F13B: variants seen among roughly 807,000 people sequenced by gnomAD.
F13B encodes the protein coagulation factor XIII B chain.
A neutral mutation model predicts 79.8 loss-of-function variants in F13B; 58 were observed. That is an observed-to-expected ratio of 0.73 (90% CI 0.59 to 0.90). The LOEUF (loss-of-function observed/expected upper bound fraction) is 0.90, where lower values mean the gene tolerates loss of function less well. Among genes scored for constraint, F13B ranks in the 40% least tolerant of loss-of-function variants. The pLI, the probability that F13B is intolerant of heterozygous loss-of-function variation, is 0.00. For synonymous variants in F13B, 283 were observed against 260.3 expected, an observed-to-expected ratio of 1.09 and a Z score of -0.84; for missense variants, 773 against 777.0, an observed-to-expected ratio of 0.99 and a Z score of 0.06.
Position 197,038,810 on chromosome 1 carries a change from T to C in F13B, c.*568A>G, listed in dbSNP as rs1462038513. ...TTGAGCACATGTTCAAATATGGTAG[T>C]ACACCACCTCATAAACAATTTGGTT... is the stretch of plus-strand genomic sequence containing the variant. On this transcript the variant is annotated 3_prime_UTR_variant, in exon 12 of 12. Transcript: ENST00000367412. Among the ~76,000 whole-genome samples, 6 of 152,128 alleles carry C rather than the reference T, an allele frequency of 3.9e-5. 1 individual carries two copies. The highest frequency in any genetic ancestry group is 3.9e-4 in the Admixed American group (6 of 15,266).
chr1:197,066,892 C>A (rs894331975), intron 1 of F13B, among the ~76,000 whole-genome samples: 1 of 152,028 alleles, frequency 6.6e-6, no homozygotes, highest in African/African-American at 2.4e-5. Flanking sequence ...AAAACCTTTT[C>A]GAAGTATTTA....
intron 10 of F13B, among the ~76,000 whole-genome samples, chr1:197,047,225 C>T (rs560867251): frequency 6.6e-6 from 1 of 152,140 alleles, no homozygotes; most frequent in African/African-American, 2.4e-5. Context: ...GAACAGGCAA[C>T]CTACAGAATG....
chr1:197,053,317 T>G (rs1655518903), intron 8 of F13B, among the ~76,000 whole-genome samples: 1 of 152,266 alleles, frequency 6.6e-6, no homozygotes, highest in South Asian at 2.1e-4. Flanking sequence ...CATCTTGAAT[T>G]GTAGCTCCCA....
chr1:197,039,340 A>G lies in F13B; in HGVS notation c.*38T>C. 7 of 1,521,652 alleles carry G rather than the reference A, an allele frequency of 4.6e-6. No individual in the cohort carries two copies. Among genetic ancestry groups the G allele is most frequent in the Non-Finnish European group, 6.4e-6 (7 of 1,099,658 alleles). 94.3% of individuals were successfully genotyped at this position (1,521,652 alleles called of 1,614,324 possible). ...ATTATATTTTATAAGGAATTTCATG[A>G]TGTATTGAAATATGACTCCTCTTTC... On this transcript the variant is annotated 3_prime_UTR_variant, in exon 12 of 12. Coordinates refer to ENST00000367412, the MANE Select transcript of F13B (RefSeq NM_001994.3).
chr1:197,044,686 C>A (rs1463281210), intron 10 of F13B, among the ~76,000 whole-genome samples: 2 of 152,112 alleles, frequency 1.3e-5, no homozygotes, highest in African/African-American at 4.8e-5. Flanking sequence ...ACTCTCCACT[C>A]CAAATCAAAA....
chr1:197,060,503 T>C lies in F13B; in HGVS notation c.668A>G (p.Tyr223Cys), dbSNP rs761906251. Reference sequence around the variant, plus strand: ...ATAGGTTTGCTTTACAGGATGAAAATAACCATTTTCAATTAATCTTAAAGA... The same window carrying C: ...ATAGGTTTGCTTTACAGGATGAAAACAACCATTTTCAATTAATCTTAAAGA... The part of the protein sequence containing the change: ...CSSLRLIENG[Y>C]FHPVKQTYEE... Residue 223 changes from tyrosine (Y) to cysteine (C), a missense_variant, in exon 5 of 12, where the codon TAT becomes TGT. Tyr to Cys is a radical substitution (Grantham distance 194, BLOSUM62 -2). Coordinates refer to ENST00000367412, the MANE Select transcript of F13B (RefSeq NM_001994.3). 2 of 1,601,986 alleles carry C rather than the reference T, an allele frequency of 1.2e-6. No homozygotes were observed. The highest frequency in any genetic ancestry group is 1.7e-5 in the Admixed American group (1 of 58,340).
intron 1 of F13B, among the ~76,000 whole-genome samples, chr1:197,064,092 T>A (rs1026242306): frequency 6.6e-6 from 1 of 152,052 alleles, no homozygotes; most frequent in East Asian, 1.9e-4. Flanking sequence ...AAATGAAAAT[T>A]TAAACCACCA....
intron 1 of F13B, among the ~76,000 whole-genome samples, chr1:197,066,706 G>A (rs1656062718): frequency 6.6e-6 from 1 of 152,056 alleles, no homozygotes; most frequent in South Asian, 2.1e-4. Flanking sequence ...AAAAATCAAA[G>A]TCTCAAAAGT....
intron 10 of F13B, among the ~76,000 whole-genome samples, chr1:197,045,052 T>C (rs1033406030): frequency 2.0e-5 from 3 of 151,954 alleles, no homozygotes; most frequent in South Asian, 2.1e-4. Flanking sequence ...CACAAGAGAA[T>C]GCAGGAAAGA....
Position 197,039,016 on chromosome 1 carries a change from CTTAATA to C in F13B, c.*356_*361del, listed in dbSNP as rs1298735828. On this transcript the variant is annotated 3_prime_UTR_variant, in exon 12 of 12. Transcript: ENST00000367412. Reference sequence around the variant, plus strand: ...ACTTTGAATTAAGGGTAACAAAAGCCTTAATATTAATAAAGATGATGACGAATGTGA... The same window carrying C: ...ACTTTGAATTAAGGGTAACAAAAGCCTTAATAAAGATGATGACGAATGTGA... Among the ~76,000 whole-genome samples, 5 of 152,030 alleles carry C rather than the reference CTTAATA, an allele frequency of 3.3e-5. No individual in the cohort carries two copies. The South Asian group carries it at 6.2e-4, about 19-fold the overall frequency.
At chr1:197,041,877 T>C (rs923985100) in intron 10 of F13B, among the ~76,000 whole-genome samples, 9 of 152,210 alleles carry the variant, frequency 5.9e-5, no homozygotes, top group African/African-American at 2.4e-5. Context: ...ATTGTTACCA[T>C]GGATCTTAGC....
At chr1:197,045,495 G>C (rs978885575) in intron 10 of F13B, among the ~76,000 whole-genome samples, 2 of 151,974 alleles carry the variant, frequency 1.3e-5, no homozygotes, top group Non-Finnish European at 2.9e-5. Context: ...CAATAACAGG[G>C]TCTGAAATTG....
chr1:197,058,465 T>C (rs1462472985), intron 5 of F13B, among the ~76,000 whole-genome samples: 1 of 152,146 alleles, frequency 6.6e-6, no homozygotes, highest in Admixed American at 6.5e-5. Context: ...AGAGCCACAT[T>C]CCTGCTGGAG....
chr1:197,047,447 T>C (rs888655064), intron 10 of F13B, among the ~76,000 whole-genome samples: 1 of 152,070 alleles, frequency 6.6e-6, no homozygotes, highest in African/African-American at 2.4e-5. Context: ...TGAGAGACCA[T>C]CTCACTCCAG....
At chr1:197,056,579 C>A (rs1244882891) in intron 7 of F13B, among the ~76,000 whole-genome samples, 1 of 152,060 alleles carries the variant, frequency 6.6e-6, no homozygotes, top group African/African-American at 2.4e-5. Context: ...AGGACTTACC[C>A]AAGGTCAAGA....
At chr1:197,056,485 G>A (rs576545199) in intron 7 of F13B, among the ~76,000 whole-genome samples, 3 of 152,118 alleles carry the variant, frequency 2.0e-5, no homozygotes, top group African/African-American at 7.2e-5. Context: ...GTGTAGCCTG[G>A]TGGTGCCTTT....
Position 197,057,425 on chromosome 1 carries a change from G to C in F13B, c.846C>G (p.Asn282Lys). Residue 282 changes from asparagine to lysine, a missense_variant, in exon 6 of 12, where the codon AAC becomes AAG. Physicochemically the swap from Asn to Lys is moderately conservative, Grantham distance 94. Transcript: ENST00000367412. ...NRCPPPPLPI[N>K]SKIQTHSTTY... ...TTGTTGAATGTGTTTGAATTTTGGA[G>C]TTTATGGGCAGAGGTGGAGGAGGAC... is the stretch of plus-strand genomic sequence containing the variant. 6.2e-7 allele frequency: 1 copy of C among 1,613,898 alleles called. No individual in the cohort carries two copies. Among genetic ancestry groups the C allele is most frequent in the Non-Finnish European group, 8.5e-7 (1 of 1,179,878 alleles).
intron 5 of F13B, among the ~76,000 whole-genome samples, chr1:197,058,020 G>A (rs765432729): frequency 7.2e-5 from 11 of 152,146 alleles, no homozygotes; most frequent in Non-Finnish European, 1.5e-4. Context: ...TCGATGCAAG[G>A]AGTCGGTTAA....
In F13B at chr1:197,043,695, A is replaced by T. The variant is rs376224143; in HGVS notation, c.1739-2960T>A. Among the ~76,000 whole-genome samples, 73 of 152,282 alleles carry T rather than the reference A, an allele frequency of 4.8e-4. 2 individuals carry two copies. The South Asian group carries it at 0.015, about 31-fold the overall frequency. ...AGAGAGGATTGTTAAACTAGAAGAA[A>T]ATTACCAAATAGAAACAAAGAAATG... is the stretch of plus-strand genomic sequence containing the variant. On this transcript the variant is annotated intron_variant, in intron 10 of 11. Coordinates refer to ENST00000367412, the MANE Select transcript of F13B (RefSeq NM_001994.3).
Sources: allele counts gnomAD v4.1 joint callset (sites outside exome capture counted in the v4.1 genomes callset), GRCh38; gene constraint gnomAD v4.1.1; transcripts MANE v1.5; gene names NCBI Gene and HGNC (gene_info 2026-07-23, HGNC 2026-07-21).